ACAT2: variants seen among roughly 807,000 people sequenced by gnomAD.
ACAT2 encodes acetyl-CoA acetyltransferase 2, also known as acetyl-CoA acetyltransferase, cytosolic.
A neutral mutation model predicts 37.1 loss-of-function variants in ACAT2; 26 were observed. That is an observed-to-expected ratio of 0.70 (90% confidence interval 0.51 to 0.97). ACAT2 has a LOEUF of 0.97. ACAT2 is among the 50% of genes least tolerant of loss of function. The pLI, the probability that ACAT2 is intolerant of heterozygous loss-of-function variation, is 0.00. For missense variants in ACAT2, 468 were observed against 489.0 expected (o/e 0.96, Z 0.40); for synonymous variants, 156 against 163.6 (o/e 0.95, Z 0.35).
intron 4 of ACAT2, among the ~76,000 whole-genome samples, chr6:159,770,248 T>A (rs1780314943): frequency 6.6e-6 from 1 of 152,150 alleles, no homozygotes; most frequent in East Asian, 1.9e-4. Flanking sequence ...CAGCATGCAA[T>A]GAGAACTTTC....
intron 4 of ACAT2, among the ~76,000 whole-genome samples, chr6:159,771,616 A>C (rs1023195437): frequency 1.3e-5 from 2 of 151,594 alleles, no homozygotes; most frequent in African/African-American, 2.4e-5. Flanking sequence ...ATGCCACTGC[A>C]CTCCAGTCTG....
intron 2 of ACAT2, among the ~76,000 whole-genome samples, chr6:159,764,472 C>G (rs1409189981): frequency 2.0e-5 from 3 of 152,098 alleles, no homozygotes; most frequent in Non-Finnish European, 2.9e-5. Flanking sequence ...CAGGGTCTCA[C>G]TCTGTTGTCC....
In ACAT2 at chr6:159,771,952, G is replaced by A. The variant is rs556814262; in HGVS notation, c.491-3218G>A. Among the ~76,000 whole-genome samples the A allele has an allele frequency of 5.1e-4, 78 of 152,266 alleles. 1 individual carries two copies. The highest frequency in any genetic ancestry group is 1.0e-3 in the South Asian group (5 of 4,824). Reference sequence around the variant, plus strand: ...ACAAAAGAATAGCTTCCAGCCGGGCGCGGTGGCTCACGCCTGTAATCCTAG... The same window carrying A: ...ACAAAAGAATAGCTTCCAGCCGGGCACGGTGGCTCACGCCTGTAATCCTAG... On this transcript the variant is annotated intron_variant, in intron 4 of 8. Transcript: ENST00000367048.
At chr6:159,770,567 C>T (rs150253326) in intron 4 of ACAT2, among the ~76,000 whole-genome samples, 2,870 of 151,764 alleles carry the variant, frequency 0.019, 104 homozygotes, top group African/African-American at 0.066. Flanking sequence ...ATCCCAGCAC[C>T]TTGGGAGGCT....
At position 159,778,632 on chromosome 6, in the gene ACAT2, C is replaced by T. The variant is rs1339478251; in HGVS notation, c.1024-27C>T. ...TAAACTGTGTCCACAGAAGAATAAA[C>T]AATCTAAATCTTTTCTCCCCCGTTA... is the stretch of plus-strand genomic sequence containing the variant. On this transcript the variant is annotated intron_variant, in intron 8 of 8. Coordinates refer to ENST00000367048, the MANE Select transcript of ACAT2 (RefSeq NM_005891.3). 2.5e-6 allele frequency: 4 copies of T among 1,607,562 alleles called. No homozygotes were observed. The South Asian group carries it at 3.3e-5, about 13-fold the overall frequency.
intron 1 of ACAT2, chr6:159,762,442 C>G (rs561591136): frequency 7.4e-7 from 1 of 1,353,712 alleles, no homozygotes; most frequent in African/African-American, 1.5e-5. Context: ...TGTTCTCCTC[C>G]GGGGCCCCTG....
intron 8 of ACAT2, 52 bp downstream of exon 8, chr6:159,778,332 A>G (rs757908969): frequency 6.1e-6 from 8 of 1,310,980 alleles, no homozygotes; most frequent in South Asian, 5.2e-5. Flanking sequence ...TCACAATCCA[A>G]TTTTAAGATA....
intron 1 of ACAT2, chr6:159,762,351 A>C (rs1157628105): frequency 1.6e-6 from 2 of 1,264,762 alleles, no homozygotes; most frequent in African/African-American, 1.5e-5. Flanking sequence ...CGATGTGCGC[A>C]CTCCGTCCCT....
intron 8 of ACAT2, 93 bp from the exon 9 acceptor site, chr6:159,778,566 C>T: frequency 7.3e-7 from 1 of 1,370,338 alleles, no homozygotes; most frequent in Non-Finnish European, 1.0e-6. Context: ...GAAAGGGTAG[C>T]ATGCTGATAC....
At chr6:159,763,440 A>T (rs1040438886) in intron 2 of ACAT2, among the ~76,000 whole-genome samples, 1 of 152,036 alleles carries the variant, frequency 6.6e-6, no homozygotes, top group Non-Finnish European at 1.5e-5. Context: ...GCTACTGGAG[A>T]GGCTGAGGTG....
chr6:159,762,132 G>A lies in ACAT2; in HGVS notation c.45G>A (p.Arg15=). ...CTGTGGTCATCGTCTCGGCGGCGCG[G>A]ACCATCATAGGTGAGTGGCCGGCGG... ...SDPVVIVSAA[R]TIIGSFNGAL... is the part of the protein sequence containing the mutation. Residue 15 remains arginine (R), a synonymous_variant, in exon 1 of 9, where the codon CGG becomes CGA. Transcript: ENST00000367048. 6.2e-7 allele frequency: 1 copy of A among 1,612,380 alleles called. No homozygotes were observed.
chr6:159,772,652 G>A (rs1441175181), intron 4 of ACAT2, among the ~76,000 whole-genome samples: 1 of 152,104 alleles, frequency 6.6e-6, no homozygotes, highest in African/African-American at 2.4e-5. Context: ...TTTACAGGGT[G>A]CAGTGGCAGG....
chr6:159,776,093 A>T, intron 5 of ACAT2, 57 bp from the exon 6 acceptor site: 5 of 1,581,716 alleles, frequency 3.2e-6, no homozygotes, highest in Non-Finnish European at 4.3e-6. Flanking sequence ...CACCATTCCC[A>T]GCACACTTAC....
chr6:159,778,926 C>T lies in ACAT2; in HGVS notation c.*97C>T. 1 of 1,566,646 alleles carries T rather than the reference C, an allele frequency of 6.4e-7. No individual in the cohort carries two copies. On this transcript the variant is annotated 3_prime_UTR_variant, in exon 9 of 9. Coordinates refer to ENST00000367048, the MANE Select transcript of ACAT2 (RefSeq NM_005891.3). The stretch of plus-strand genomic sequence containing the variant: ...AGAGGACCAAAGTACAGATGGAAAC[C>T]ATTTCCTACATCACAAAAACCCAAG...
intron 1 of ACAT2, 179 bp downstream of exon 1, chr6:159,762,321 A>G (rs1205471792): frequency 8.3e-7 from 1 of 1,209,924 alleles, no homozygotes; most frequent in Non-Finnish European, 1.1e-6. Context: ...CTGGTGCTAC[A>G]GCCCCACCCT....
intron 1 of ACAT2, 141 bp from the exon 2 acceptor site, chr6:159,762,778 G>T (rs776261236): frequency 1.9e-6 from 3 of 1,591,996 alleles, no homozygotes; most frequent in African/African-American, 1.3e-5. Context: ...AGACCAGCAG[G>T]TGTAGGAACG....
At chr6:159,762,184 C>A in intron 1 of ACAT2, 42 bp downstream of exon 1, 1 of 1,591,072 alleles carries the variant, frequency 6.3e-7, no homozygotes. Context: ...GAGGCGCCTG[C>A]TGCTTCGGCA....
At position 159,778,377 on chromosome 6, in the gene ACAT2, TA is replaced by T. The variant is rs1780474107; in HGVS notation, c.1023+100del. ...AGGTGTTGGCCATGTGGGTAATAGT[TA>T]AAGAAATACTAGTTACTAGGACTGA... On this transcript the variant is annotated intron_variant, in intron 8 of 8. Coordinates refer to ENST00000367048, the MANE Select transcript of ACAT2 (RefSeq NM_005891.3). The T allele has an allele frequency of 3.1e-5, 24 of 772,272 alleles. No homozygotes were observed. The South Asian group carries it at 4.7e-4, about 15-fold the overall frequency. 47.8% of individuals were successfully genotyped at this position (772,272 alleles called of 1,614,324 possible).
intron 4 of ACAT2, among the ~76,000 whole-genome samples, chr6:159,774,708 T>A (rs1583130945): frequency 6.6e-6 from 1 of 152,196 alleles, no homozygotes; most frequent in African/African-American, 2.4e-5. Context: ...CCCAAAATGC[T>A]GGGATTACAG....
Sources: gnomAD v4.1 joint callset for allele counts (sites outside exome capture counted in the v4.1 genomes callset) on GRCh38, gnomAD v4.1.1 for gene constraint, MANE v1.5 for transcripts, NCBI Gene and HGNC (gene_info 2026-07-23, HGNC 2026-07-21) for gene names.